The following CYP4F2 variants were observed in gnomAD, a reference collection of about 807,000 sequenced individuals.
CYP4F2 encodes the protein cytochrome P450 4F2.
A neutral mutation model predicts 58.9 loss-of-function variants in CYP4F2; 58 were observed. That is an observed-to-expected ratio of 0.98 (90% confidence interval 0.80 to 1.23). The LOEUF (loss-of-function observed/expected upper bound fraction) is 1.23. Ranked by LOEUF, CYP4F2 falls within the 50% of genes most tolerant of loss-of-function variation. The pLI is 0.00. For synonymous variants in CYP4F2, 287 were observed against 261.1 expected (o/e 1.10, Z -0.95); for missense variants, 616 against 685.6 (o/e 0.90, Z 1.13).
chr19:15,894,966 C>A (rs1450555734), intron 3 of CYP4F2, among the ~76,000 whole-genome samples: 1 of 152,150 alleles, frequency 6.6e-6, no homozygotes, highest in African/African-American at 2.4e-5. Context: ...AGCCACAAGT[C>A]CTCCTCATTG....
intron 9 of CYP4F2, among the ~76,000 whole-genome samples, chr19:15,883,109 A>G (rs1398361462): frequency 1.3e-5 from 2 of 152,228 alleles, no homozygotes; most frequent in African/African-American, 4.8e-5. Flanking sequence ...CAGGCAATAG[A>G]CAAATGAGAT....
chr19:15,892,517 G>T lies in CYP4F2; in HGVS notation c.397+12C>A. Reference sequence around the variant, plus strand: ...ACGTTTTTCCCAACCCTGTTCACCTGCAGATACTCACCCAGCCAGGGCTCC... The same window carrying T: ...ACGTTTTTCCCAACCCTGTTCACCTTCAGATACTCACCCAGCCAGGGCTCC... On this transcript the variant is annotated intron_variant, in intron 4 of 12. Coordinates refer to ENST00000221700, the MANE Select transcript of CYP4F2 (RefSeq NM_001082.5). The T allele has an allele frequency of 1.2e-6, 2 of 1,614,016 alleles. No individual in the cohort carries two copies. The highest frequency in any genetic ancestry group is 1.7e-6 in the Non-Finnish European group (2 of 1,179,960).
In CYP4F2 at chr19:15,892,570, G is replaced by A; in HGVS notation, c.356C>T (p.Pro119Leu). ...GAAGCTGTAGAAGAACTTGTCCTTT[G>A]GTGCAATGGCAGCTGACATAAATGA... ...SVINASAAIA[P>L]KDKFFYSFLE... The change falls in exon 4 of 13, where the codon CCA (proline) becomes CTA (leucine). Residue 119 changes from proline to leucine, a missense_variant. By Grantham distance (98) the Pro-to-Leu change is moderately conservative (BLOSUM62 -3). Transcript: ENST00000221700. The A allele has an allele frequency of 1.9e-6, 3 of 1,614,002 alleles. No individual in the cohort carries two copies. The highest frequency in any genetic ancestry group is 2.5e-6 in the Non-Finnish European group (3 of 1,179,960).
chr19:15,889,556 A>G lies in CYP4F2; in HGVS notation c.785T>C (p.Leu262Pro), dbSNP rs1267150905. ...DGQRFRRACR[L>P]VHDFTDAVIQ... ...GACGGCATCTGTGAAGTCGTGCACCAGGCGGCAGGCCCTGCGGAAACGCTG... is the reference window on the plus strand; with the variant it reads ...GACGGCATCTGTGAAGTCGTGCACCGGGCGGCAGGCCCTGCGGAAACGCTG... Residue 262 changes from leucine to proline, a missense_variant, in exon 7 of 13, where the codon CTG (leucine) becomes CCG (proline). Transcript: ENST00000221700. 1.5e-5 allele frequency: 25 copies of G among 1,614,194 alleles called. No individual in the cohort carries two copies. The highest frequency in any genetic ancestry group is 2.7e-5 in the African/African-American group (2 of 75,044).
In CYP4F2 at chr19:15,884,948, G is replaced by A. The variant is rs925317701; in HGVS notation, c.1115+976C>T. ...CTTCCCATGGCTCCCTATTGCCATT[G>A]GGCTAAAACTGAAGCCATTAACATT... On this transcript the variant is annotated intron_variant, in intron 9 of 12. Transcript: ENST00000221700. 5.3e-5 allele frequency among the ~76,000 whole-genome samples: 8 copies of A among 151,970 alleles called. No homozygotes were observed. In the South Asian group the frequency reaches 6.2e-4, roughly 12 times the overall value.
intron 3 of CYP4F2, 152 bp downstream of exon 3, chr19:15,895,354 A>G (rs2089441322): frequency 4.5e-6 from 5 of 1,117,892 alleles, no homozygotes; most frequent in South Asian, 2.0e-5. Context: ...AGACGCTGAG[A>G]TGGAAATTGA....
At chr19:15,890,232 T>C (rs2089408300) in intron 6 of CYP4F2, 80 bp downstream of exon 6, 1 of 1,604,206 alleles carries the variant, frequency 6.2e-7, no homozygotes, top group African/African-American at 1.4e-5. Context: ...TTTGTCTGGT[T>C]TCCCTGCTTA....
chr19:15,881,162 A>T (rs1369395157), intron 9 of CYP4F2, among the ~76,000 whole-genome samples: 4 of 152,232 alleles, frequency 2.6e-5, no homozygotes, highest in Non-Finnish European at 4.4e-5. Flanking sequence ...GTCTCATCAC[A>T]TTCTGCAGGC....
At chr19:15,885,535 T>A (rs965865998) in intron 9 of CYP4F2, among the ~76,000 whole-genome samples, 5 of 152,086 alleles carry the variant, frequency 3.3e-5, no homozygotes, top group African/African-American at 1.2e-4. Flanking sequence ...GTCTCCCTTA[T>A]AAAACCCTGG....
Position 15,878,561 on chromosome 19 carries a change from G to A in CYP4F2, c.*210C>T. On this transcript the variant is annotated 3_prime_UTR_variant, in exon 13 of 13. Transcript: ENST00000221700. ...TTCATCTGGTAATATATAGCTTGGG[G>A]TTGTTTTCATCGTTTGGCTACTGTG... is the stretch of plus-strand genomic sequence containing the variant. The A allele has an allele frequency of 2.6e-6, 2 of 775,624 alleles. No individual in the cohort carries two copies. The highest frequency in any genetic ancestry group is 4.0e-6 in the Non-Finnish European group (2 of 498,902). 48.0% of individuals were successfully genotyped at this position (775,624 alleles called of 1,614,324 possible).
chr19:15,879,735 G>A (rs1599346732), intron 10 of CYP4F2, 29 bp downstream of exon 10: 5 of 1,613,920 alleles, frequency 3.1e-6, no homozygotes, highest in African/African-American at 2.7e-5. Flanking sequence ...TCCTACCCAG[G>A]AGACTCCTCC....
At chr19:15,890,639 G>A (rs548074337) in intron 5 of CYP4F2, among the ~76,000 whole-genome samples, 15 of 152,304 alleles carry the variant, frequency 9.8e-5, no homozygotes, top group African/African-American at 3.1e-4. Context: ...AGGAGAACTA[G>A]GTTCAAGTTC....
intron 9 of CYP4F2, among the ~76,000 whole-genome samples, chr19:15,882,337 G>A (rs1277014345): frequency 6.6e-6 from 1 of 152,100 alleles, no homozygotes; most frequent in Non-Finnish European, 1.5e-5. Context: ...GATAGAGAAG[G>A]GTGAGATGTT....
At chr19:15,890,160 C>G (rs560137709) in intron 6 of CYP4F2, 152 bp downstream of exon 6, 35 of 1,346,154 alleles carry the variant, frequency 2.6e-5, no homozygotes, top group Non-Finnish European at 3.3e-5. Flanking sequence ...CCCTGGAAAC[C>G]TCAAGATAAA....
At chr19:15,886,111 C>G (rs529997000) in intron 8 of CYP4F2, 58 bp from the exon 9 acceptor site, 5 of 1,605,764 alleles carry the variant, frequency 3.1e-6, no homozygotes, top group Non-Finnish European at 4.3e-6. Context: ...CGAAGGTAGA[C>G]AGCACCCATG....
At chr19:15,888,593 G>A (rs963613529) in intron 7 of CYP4F2, among the ~76,000 whole-genome samples, 27 of 151,244 alleles carry the variant, frequency 1.8e-4, no homozygotes, top group African/African-American at 6.3e-4. Context: ...CATAGACATA[G>A]ACACAGATAT....
intron 9 of CYP4F2, among the ~76,000 whole-genome samples, chr19:15,883,307 T>C (rs187617506): frequency 3.2e-4 from 48 of 152,212 alleles, no homozygotes; most frequent in Middle Eastern, 3.4e-3. Context: ...TATTTAAAAA[T>C]GGTCAAAAGA....
intron 3 of CYP4F2, among the ~76,000 whole-genome samples, chr19:15,893,210 A>G (rs1478809651): frequency 6.6e-6 from 1 of 152,124 alleles, no homozygotes; most frequent in African/African-American, 2.4e-5. Flanking sequence ...GCATGACCCA[A>G]ATATACTATA....
chr19:15,879,429 C>G lies in CYP4F2; in HGVS notation c.1315-1G>C. On this transcript the variant is annotated splice_acceptor_variant, in intron 11 of 12. Coordinates refer to ENST00000221700, the MANE Select transcript of CYP4F2 (RefSeq NM_001082.5). LOFTEE classifies it high-confidence loss of function. ...GGTCAAAGCGAAAGGGGTCGTAGAC[C>G]TGGAGGTGAGACCAAGAAGGGTTGT... 2 of 1,614,114 alleles carry G rather than the reference C, an allele frequency of 1.2e-6. No individual in the cohort carries two copies. The highest frequency in any genetic ancestry group is 1.7e-6 in the Non-Finnish European group (2 of 1,180,012).
Sources: gnomAD v4.1 joint callset for allele counts (sites outside exome capture counted in the v4.1 genomes callset) on GRCh38, gnomAD v4.1.1 for gene constraint, MANE v1.5 for transcripts, NCBI Gene and HGNC (gene_info 2026-07-23, HGNC 2026-07-21) for gene names.